TRIM71: variants seen among roughly 807,000 people sequenced by gnomAD.
The protein encoded by TRIM71 is E3 ubiquitin-protein ligase TRIM71.
Under a neutral mutation model 61.2 loss-of-function variants are expected in TRIM71, and 9 were observed. The observed-to-expected ratio is 0.15, with a 90% CI of 0.09 to 0.26. The LOEUF is 0.26. TRIM71 is among the 10% of genes least tolerant of loss of function. The probability of loss-of-function intolerance (pLI) is 1.00; values close to 1 mark genes in which losing one functional copy is unlikely to be tolerated. For missense variants in TRIM71, 998 were observed against 1,238.7 expected (o/e 0.81, Z 2.92); for synonymous variants, 645 against 553.2 (o/e 1.17, Z -2.33).
chr3:32,884,373 G>A (rs553745764), intron 2 of TRIM71, among the ~76,000 whole-genome samples: 6 of 152,152 alleles, frequency 3.9e-5, no homozygotes, highest in East Asian at 1.9e-4. Context: ...AAGGTAGATC[G>A]TGTATTGTAT....
chr3:32,883,066 G>A (rs922119140), intron 2 of TRIM71, among the ~76,000 whole-genome samples: 6 of 152,172 alleles, frequency 3.9e-5, no homozygotes, highest in Middle Eastern at 3.2e-3. Flanking sequence ...TCCCATACCT[G>A]TTTAACCATT....
At chr3:32,852,667 G>C (rs1162521596) in intron 1 of TRIM71, among the ~76,000 whole-genome samples, 5 of 152,168 alleles carry the variant, frequency 3.3e-5, no homozygotes, top group African/African-American at 1.2e-4. Context: ...GAATTTAGCA[G>C]TGGTTGATGG....
At chr3:32,859,186 A>C (rs1395379734) in intron 1 of TRIM71, among the ~76,000 whole-genome samples, 1 of 152,190 alleles carries the variant, frequency 6.6e-6, no homozygotes, top group Non-Finnish European at 1.5e-5. Context: ...TTCATACCTG[A>C]GACTTGAAAT....
At chr3:32,871,156 C>A (rs1422220024) in intron 1 of TRIM71, among the ~76,000 whole-genome samples, 1 of 152,044 alleles carries the variant, frequency 6.6e-6, no homozygotes, top group Non-Finnish European at 1.5e-5. Flanking sequence ...TCCGGAGGTA[C>A]CCAGTCAGGC....
rs1697045766 is a variant in TRIM71, at chr3:32,893,233, A to G, written c.*1422A>G. On this transcript the variant is annotated 3_prime_UTR_variant, in exon 4 of 4. Transcript: ENST00000383763. ...GCCTTTGACCATAAAGGATCTAGAA[A>G]CCAAATTGTCCCAACCTGAAATGTA... The G allele has an allele frequency of 6.6e-6, 1 of 150,890 alleles. No homozygotes were observed. The highest frequency in any genetic ancestry group is 6.6e-5 in the Admixed American group (1 of 15,106). 9.3% of individuals were successfully genotyped at this position (150,890 alleles called of 1,614,324 possible). A position where few individuals can be genotyped will look rare whatever the true frequency, so the allele number is the denominator to read the frequency against.
At chr3:32,883,622 G>T (rs901878430) in intron 2 of TRIM71, among the ~76,000 whole-genome samples, 2 of 152,174 alleles carry the variant, frequency 1.3e-5, no homozygotes, top group African/African-American at 4.8e-5. Context: ...TATCTACAAA[G>T]ACCCTATTTC....
intron 1 of TRIM71, among the ~76,000 whole-genome samples, chr3:32,829,018 G>A (rs1175411990): frequency 1.3e-5 from 2 of 150,646 alleles, no homozygotes; most frequent in African/African-American, 4.9e-5. Flanking sequence ...TTTTGACACG[G>A]ACTTTCCCTC....
intron 1 of TRIM71, among the ~76,000 whole-genome samples, chr3:32,845,956 G>C (rs923692856): frequency 8.0e-5 from 12 of 150,328 alleles, no homozygotes; most frequent in African/African-American, 2.9e-4. Flanking sequence ...CCTGACCTTA[G>C]GTGATCCACC....
chr3:32,877,904 T>G (rs977692006), intron 2 of TRIM71, among the ~76,000 whole-genome samples: 1 of 152,318 alleles, frequency 6.6e-6, no homozygotes, highest in East Asian at 1.9e-4. Context: ...TTAATGTTGA[T>G]ATTTTGACCT....
At chr3:32,845,813 C>G (rs551084192) in intron 1 of TRIM71, among the ~76,000 whole-genome samples, 2 of 151,892 alleles carry the variant, frequency 1.3e-5, no homozygotes, top group Non-Finnish European at 2.9e-5. Flanking sequence ...CTCCGCCTCC[C>G]GGGTTCAAGT....
chr3:32,887,247 C>A (rs913308345), intron 3 of TRIM71, among the ~76,000 whole-genome samples: 1 of 152,084 alleles, frequency 6.6e-6, no homozygotes, highest in Non-Finnish European at 1.5e-5. Flanking sequence ...TGAGGCTGAC[C>A]CACTGTCCTC....
chr3:32,859,672 C>T (rs1049442261), intron 1 of TRIM71, among the ~76,000 whole-genome samples: 10 of 152,134 alleles, frequency 6.6e-5, no homozygotes, highest in African/African-American at 2.4e-4. Flanking sequence ...TTTCCCTGCC[C>T]GGAATGCCGC....
intron 1 of TRIM71, among the ~76,000 whole-genome samples, chr3:32,824,035 G>C (rs920104701): frequency 6.7e-6 from 1 of 149,378 alleles, no homozygotes; most frequent in South Asian, 2.2e-4. Context: ...AGATCGTGCC[G>C]CTGCACTCCA....
chr3:32,846,862 G>A (rs1696481691), intron 1 of TRIM71, among the ~76,000 whole-genome samples: 1 of 152,238 alleles, frequency 6.6e-6, no homozygotes, highest in Middle Eastern at 3.4e-3. Context: ...CAAATGACAG[G>A]ATTTCCTTCC....
intron 1 of TRIM71, among the ~76,000 whole-genome samples, chr3:32,848,938 C>T (rs186678960): frequency 2.6e-5 from 4 of 152,144 alleles, no homozygotes; most frequent in Non-Finnish European, 5.9e-5. Context: ...CACCCCTATT[C>T]AATGAGTTCC....
At chr3:32,823,708 G>GCAGTGAGCCGAGGGTA (rs1157648321) in intron 1 of TRIM71, among the ~76,000 whole-genome samples, 1 of 151,686 alleles carries the variant, frequency 6.6e-6, no homozygotes, top group Non-Finnish European at 1.5e-5. Context: ...AGCCGAGGGT[G>GCAGTGAGCCGAGGGTA]CAGTGAGCCG....
chr3:32,890,486 C>G lies in TRIM71; in HGVS notation c.1282C>G (p.Leu428Val), dbSNP rs1697012518. Residue 428 changes from leucine (L) to valine (V), a missense_variant, in exon 4 of 4, where the codon CTA (leucine) becomes GTA (valine). Physicochemically the swap from Leu to Val is conservative, Grantham distance 32. Transcript: ENST00000383763. This position sits in a 1 kb window ranked among gnomAD's most constrained non-coding sequence, Gnocchi z 6.2. ...VQQVLEEGRA[L>V]DILLARDRML... ...GCAGGTCCTGGAGGAGGGTAGAGCGCTAGACATCCTACTGGCCCGAGACCG... is the reference window on the plus strand; with the variant it reads ...GCAGGTCCTGGAGGAGGGTAGAGCGGTAGACATCCTACTGGCCCGAGACCG... 1.2e-6 allele frequency: 2 copies of G among 1,614,200 alleles called. No homozygotes were observed. The highest frequency in any genetic ancestry group is 2.2e-5 in the East Asian group (1 of 44,888).
intron 2 of TRIM71, among the ~76,000 whole-genome samples, chr3:32,885,182 C>A (rs565660631): frequency 6.6e-6 from 1 of 152,192 alleles, no homozygotes; most frequent in Non-Finnish European, 1.5e-5. Context: ...TACCCGAAAC[C>A]TGTTGTACCA....
At chr3:32,843,952 G>T (rs1189500636) in intron 1 of TRIM71, among the ~76,000 whole-genome samples, 1 of 150,596 alleles carries the variant, frequency 6.6e-6, no homozygotes, top group African/African-American at 2.4e-5. Flanking sequence ...CCAGATAAAC[G>T]CACTTTTTTC....
Sources: allele counts gnomAD v4.1 joint callset (sites outside exome capture counted in the v4.1 genomes callset), GRCh38; gene constraint gnomAD v4.1.1; non-coding constraint Gnocchi (gnomAD v3.1); transcripts MANE v1.5; gene names NCBI Gene and HGNC (gene_info 2026-07-23, HGNC 2026-07-21).